Variants in MYO1E observed in about 807,000 individuals in gnomAD.
MYO1E encodes unconventional myosin-Ie.
Under a neutral mutation model 151.1 loss-of-function variants are expected in MYO1E, and 68 were observed. The observed-to-expected ratio is 0.45, with a 90% CI of 0.37 to 0.55. The LOEUF (loss-of-function observed/expected upper bound fraction) is 0.55. Ranked by LOEUF, MYO1E falls within the 20% of genes least tolerant of loss-of-function variation. The pLI is 0.00. For missense variants in MYO1E, 1,363 were observed against 1,389.3 expected (o/e 0.98, Z 0.30); for synonymous variants, 601 against 501.7 (o/e 1.20, Z -2.64).
At chr15:59,207,028 C>A in intron 14 of MYO1E, 1 of 1,614,230 alleles carries the variant, frequency 6.2e-7, no homozygotes, top group Non-Finnish European at 8.5e-7. Context: ...GGCCCTGTGT[C>A]CGCGTCAAGC....
intron 1 of MYO1E, among the ~76,000 whole-genome samples, chr15:59,353,801 G>C (rs1247408977): frequency 6.7e-6 from 1 of 149,900 alleles, no homozygotes; most frequent in Non-Finnish European, 1.5e-5. Flanking sequence ...CAAAGGTAAA[G>C]AAACCTCTAC....
rs564960515 is a variant in MYO1E, at chr15:59,337,969, G to A, written c.3+34529C>T. Among the ~76,000 whole-genome samples the A allele has an allele frequency of 2.0e-5, 3 of 152,260 alleles. No individual in the cohort carries two copies. The East Asian group carries it at 5.8e-4, about 29-fold the overall frequency. ...CCCTGTCCATGATGTGGCTAATATG[G>A]TTAAATTAAACTCCTTTTTTTCCTC... is the stretch of plus-strand genomic sequence containing the variant. On this transcript the variant is annotated intron_variant, in intron 1 of 27. Transcript: ENST00000288235.
intron 1 of MYO1E, among the ~76,000 whole-genome samples, chr15:59,310,994 C>G (rs2080547790): frequency 6.6e-6 from 1 of 152,140 alleles, no homozygotes; most frequent in Admixed American, 6.5e-5. Context: ...CTCATGTACT[C>G]ATGATCATCT....
At chr15:59,211,708 C>A (rs191807278) in intron 12 of MYO1E, among the ~76,000 whole-genome samples, 1 of 152,258 alleles carries the variant, frequency 6.6e-6, no homozygotes, top group Non-Finnish European at 1.5e-5. Context: ...TCACCATCGG[C>A]CCTGTTATCC....
chr15:59,371,912 C>T (rs2080947781), intron 1 of MYO1E, among the ~76,000 whole-genome samples: 1 of 150,970 alleles, frequency 6.6e-6, no homozygotes, highest in African/African-American at 2.4e-5. Flanking sequence ...GGCGCCCCCG[C>T]CTGCCTTTGT....
chr15:59,297,052 C>CCA (rs2080454208), intron 1 of MYO1E, among the ~76,000 whole-genome samples: 1 of 99,936 alleles, frequency 1.0e-5, no homozygotes, highest in Non-Finnish European at 2.3e-5. Context: ...CAGAGTTTCA[C>CCA]TGTGTTAGCC....
intron 1 of MYO1E, among the ~76,000 whole-genome samples, chr15:59,328,553 A>G (rs998176529): frequency 2.0e-5 from 3 of 152,066 alleles, no homozygotes; most frequent in Non-Finnish European, 4.4e-5. Context: ...ATAAATTAGT[A>G]TTACTATACT....
intron 4 of MYO1E, among the ~76,000 whole-genome samples, chr15:59,254,676 GTT>G (rs35152120): frequency 1.3e-5 from 2 of 150,352 alleles, no homozygotes; most frequent in Non-Finnish European, 3.0e-5. Flanking sequence ...ACAATAAAAG[GTT>G]TTTTTTTTCC....
chr15:59,302,648 CTG>C lies in MYO1E; in HGVS notation c.4-30201_4-30200del, dbSNP rs2080489885. 2.6e-5 allele frequency among the ~76,000 whole-genome samples: 4 copies of C among 152,308 alleles called. 1 individual carries two copies. In the Middle Eastern group the frequency reaches 0.014, roughly 518 times the overall value. On this transcript the variant is annotated intron_variant, in intron 1 of 27. Coordinates refer to ENST00000288235, the MANE Select transcript of MYO1E (RefSeq NM_004998.4). ...CTGCATGCCACCTGAGCAAAGAAAT[CTG>C]TCTCTTTTTCTCTGAATCTCCAGAG...
intron 17 of MYO1E, among the ~76,000 whole-genome samples, chr15:59,191,229 G>A (rs2140327527): frequency 6.6e-6 from 1 of 151,974 alleles, no homozygotes; most frequent in Admixed American, 6.5e-5. Flanking sequence ...GCCGAGGCGG[G>A]CAAATCATGA....
chr15:59,171,671 A>G lies in MYO1E; in HGVS notation c.2480+226T>C, dbSNP rs553043082. ...AGAGATCTGGGTCCCCCTTGATTAG[A>G]GGAGCTGTCCGGAGGCAACCTTTTC... On this transcript the variant is annotated intron_variant, in intron 22 of 27. Coordinates refer to ENST00000288235, the MANE Select transcript of MYO1E (RefSeq NM_004998.4). Among the ~76,000 whole-genome samples, 5 of 152,296 alleles carry G rather than the reference A, an allele frequency of 3.3e-5. No homozygotes were observed. In the South Asian group the frequency reaches 1.0e-3, roughly 32 times the overall value.
At chr15:59,170,734 T>C (rs2140315396) in intron 22 of MYO1E, among the ~76,000 whole-genome samples, 1 of 152,240 alleles carries the variant, frequency 6.6e-6, no homozygotes, top group Admixed American at 6.5e-5. Context: ...TGCCTGGTCC[T>C]TTATCCAGGG....
intron 26 of MYO1E, among the ~76,000 whole-genome samples, chr15:59,150,261 G>C (rs1044980985): frequency 5.3e-5 from 8 of 152,192 alleles, no homozygotes; most frequent in African/African-American, 1.9e-4. Context: ...CGGCCTCATG[G>C]CCTGCCTCCA....
intron 18 of MYO1E, among the ~76,000 whole-genome samples, chr15:59,182,040 T>C (rs1417552380): frequency 2.6e-5 from 4 of 152,244 alleles, no homozygotes; most frequent in South Asian, 4.2e-4. Context: ...TTATGGAAAA[T>C]TGTGTTCTCT....
intron 17 of MYO1E, among the ~76,000 whole-genome samples, chr15:59,194,206 T>C (rs1448988176): frequency 2.0e-5 from 3 of 151,686 alleles, no homozygotes. Flanking sequence ...AGAATATGCA[T>C]CTATGGATGA....
At chr15:59,347,424 T>G (rs1342913116) in intron 1 of MYO1E, among the ~76,000 whole-genome samples, 1 of 152,182 alleles carries the variant, frequency 6.6e-6, no homozygotes, top group East Asian at 1.9e-4. Flanking sequence ...TCTAGAGGGT[T>G]CATGCTACTC....
intron 26 of MYO1E, among the ~76,000 whole-genome samples, chr15:59,142,804 T>C (rs1270686948): frequency 1.3e-5 from 2 of 151,708 alleles, no homozygotes; most frequent in Non-Finnish European, 2.9e-5. Flanking sequence ...TTACATCATA[T>C]TTACTGGTGA....
At chr15:59,178,353 C>T (rs747520395) in intron 19 of MYO1E, 40 bp downstream of exon 19, 27 of 1,611,060 alleles carry the variant, frequency 1.7e-5, no homozygotes, top group African/African-American at 9.3e-5. Context: ...GCGGGGGCCC[C>T]GCGGGAGGGA....
At chr15:59,220,814 G>A (rs1365364237) in intron 9 of MYO1E, among the ~76,000 whole-genome samples, 1 of 151,026 alleles carries the variant, frequency 6.6e-6, no homozygotes, top group East Asian at 1.9e-4. Flanking sequence ...GGACAGCCAG[G>A]TGCAGTGGCT....
Sources: allele counts gnomAD v4.1 joint callset (sites outside exome capture counted in the v4.1 genomes callset), GRCh38; gene constraint gnomAD v4.1.1; transcripts MANE v1.5; gene names NCBI Gene and HGNC (gene_info 2026-07-23, HGNC 2026-07-21).